The following LGR4 variants were observed in gnomAD, a reference collection of about 807,000 sequenced individuals.
LGR4 encodes the protein leucine rich repeat containing G protein-coupled receptor 4.
In LGR4, 44 loss-of-function variants were observed where a neutral mutation model predicts 84.8. The ratio of observed to expected loss-of-function variants is 0.52; its 90% confidence interval spans 0.41 to 0.67. The LOEUF is 0.67. LGR4 is among the 30% of genes least tolerant of loss of function. The pLI is 0.00. For missense variants in LGR4, 1,032 were observed against 1,131.4 expected (o/e 0.91, Z 1.26); for synonymous variants, 429 against 434.3 (o/e 0.99, Z 0.15).
intron 1 of LGR4, among the ~76,000 whole-genome samples, chr11:27,457,785 G>A (rs888491229): frequency 6.6e-6 from 1 of 152,132 alleles, no homozygotes; most frequent in Admixed American, 6.5e-5. Flanking sequence ...CTGGTGAATG[G>A]AGAAACAAAT....
chr11:27,456,781 T>C (rs914952100), intron 1 of LGR4, among the ~76,000 whole-genome samples: 1 of 152,214 alleles, frequency 6.6e-6, no homozygotes, highest in Non-Finnish European at 1.5e-5. Flanking sequence ...AAGTTAGAGA[T>C]ACTTTTTAAA....
chr11:27,472,180 C>A lies in LGR4; in HGVS notation c.123G>T (p.Val41=). The A allele has an allele frequency of 7.1e-7, 1 of 1,417,002 alleles. No homozygotes were observed. The highest frequency in any genetic ancestry group is 1.4e-5 in the South Asian group (1 of 70,894). The allele number at this position is 1,417,002 out of a possible 1,614,324, so 87.8% of individuals were successfully genotyped here. The part of the protein sequence containing the change: ...APCSCDGDRR[V]DCSGKGLTAV... ...CCGTCAGCCCCTTCCCGGAGCAGTC[C>A]ACCCGACGGTCGCCGTCGCAGCTGC... The change falls in exon 1 of 18, where the codon GTG becomes GTT. Residue 41 remains valine, a synonymous_variant. Transcript: ENST00000379214.
intron 4 of LGR4, among the ~76,000 whole-genome samples, chr11:27,387,662 C>G (rs1194996144): frequency 1.3e-5 from 2 of 152,122 alleles, no homozygotes; most frequent in Non-Finnish European, 2.9e-5. Flanking sequence ...GGGATGCAAA[C>G]AGGGTCCACA....
intron 2 of LGR4, among the ~76,000 whole-genome samples, chr11:27,411,315 G>A (rs892629571): frequency 6.6e-6 from 1 of 151,634 alleles, no homozygotes; most frequent in Admixed American, 6.6e-5. Context: ...TGGATGGTTT[G>A]CTTCTTTTAA....
chr11:27,446,747 G>A (rs1248807162), intron 1 of LGR4, among the ~76,000 whole-genome samples: 1 of 152,146 alleles, frequency 6.6e-6, no homozygotes, highest in Non-Finnish European at 1.5e-5. Context: ...TATGTTTATT[G>A]TGGCACTATT....
chr11:27,450,809 T>G (rs1864470167), intron 1 of LGR4, among the ~76,000 whole-genome samples: 1 of 152,132 alleles, frequency 6.6e-6, no homozygotes, highest in South Asian at 2.1e-4. Context: ...GAAAGAAAAT[T>G]GTGCTCTCAC....
At chr11:27,416,746 G>A (rs897813557) in intron 1 of LGR4, among the ~76,000 whole-genome samples, 1 of 152,034 alleles carries the variant, frequency 6.6e-6, no homozygotes, top group Non-Finnish European at 1.5e-5. Context: ...CACCTTCCTA[G>A]AAAAATAAAC....
chr11:27,383,936 G>A (rs1014680528), intron 6 of LGR4, among the ~76,000 whole-genome samples: 2 of 152,108 alleles, frequency 1.3e-5, no homozygotes, highest in African/African-American at 4.8e-5. Flanking sequence ...TGTAAAAGCA[G>A]ATATAGTATT....
intron 2 of LGR4, among the ~76,000 whole-genome samples, chr11:27,404,835 A>T (rs1293067993): frequency 6.6e-6 from 1 of 152,332 alleles, no homozygotes; most frequent in East Asian, 1.9e-4. Flanking sequence ...ACAGGAAAGA[A>T]TGAAGCCAGA....
At chr11:27,386,283 G>C (rs1219824540) in intron 4 of LGR4, among the ~76,000 whole-genome samples, 1 of 152,134 alleles carries the variant, frequency 6.6e-6, no homozygotes, top group East Asian at 1.9e-4. Context: ...TAAGTCCTAC[G>C]TATTATTGTT....
intron 8 of LGR4, 75 bp from the exon 9 acceptor site, chr11:27,380,786 G>T: frequency 8.2e-7 from 1 of 1,219,942 alleles, no homozygotes; most frequent in Non-Finnish European, 1.2e-6. Flanking sequence ...TGTTCACAAT[G>T]TACATATATC....
chr11:27,468,699 G>C (rs1300958795), intron 1 of LGR4, among the ~76,000 whole-genome samples: 1 of 93,944 alleles, frequency 1.1e-5, no homozygotes, highest in Non-Finnish European at 3.2e-5. Context: ...AAATTGTCAC[G>C]AGAAAAAAAA....
chr11:27,390,401 G>A (rs1463935089), intron 4 of LGR4, among the ~76,000 whole-genome samples: 1 of 152,054 alleles, frequency 6.6e-6, no homozygotes, highest in Non-Finnish European at 1.5e-5. Context: ...GAGATTATTT[G>A]TTATTTAAAA....
chr11:27,435,799 T>C (rs1864197235), intron 1 of LGR4, among the ~76,000 whole-genome samples: 1 of 151,990 alleles, frequency 6.6e-6, no homozygotes, highest in South Asian at 2.1e-4. Flanking sequence ...ATCAACTACT[T>C]TGAATGCATC....
chr11:27,421,358 G>C (rs1863920236), intron 1 of LGR4, among the ~76,000 whole-genome samples: 2 of 152,184 alleles, frequency 1.3e-5, no homozygotes, highest in Non-Finnish European at 2.9e-5. Context: ...GTGTTAGCAA[G>C]TATGGGAGTA....
At chr11:27,422,494 C>A (rs879418533) in intron 1 of LGR4, among the ~76,000 whole-genome samples, 8 of 152,118 alleles carry the variant, frequency 5.3e-5, no homozygotes, top group Middle Eastern at 3.2e-3. Flanking sequence ...AGAAAAATGC[C>A]AGAATGCATC....
chr11:27,467,293 C>A (rs1864794627), intron 1 of LGR4, among the ~76,000 whole-genome samples: 1 of 151,894 alleles, frequency 6.6e-6, no homozygotes, highest in South Asian at 2.1e-4. Context: ...TAAGGCGGGG[C>A]ACGATGGCTT....
intron 1 of LGR4, among the ~76,000 whole-genome samples, chr11:27,431,308 A>C (rs1404344885): frequency 6.6e-6 from 1 of 152,174 alleles, no homozygotes; most frequent in Non-Finnish European, 1.5e-5. Flanking sequence ...CAAACTTTCC[A>C]TGTGATTTTG....
intron 1 of LGR4, among the ~76,000 whole-genome samples, chr11:27,449,527 ACCCATGAT>A (rs2133442214): frequency 6.6e-6 from 1 of 152,112 alleles, no homozygotes; most frequent in Non-Finnish European, 1.5e-5. Flanking sequence ...GCCTGCAGTG[ACCCATGAT>A]CACGCCATTG....
Sources: gnomAD v4.1 joint callset for allele counts (sites outside exome capture counted in the v4.1 genomes callset) on GRCh38, gnomAD v4.1.1 for gene constraint, MANE v1.5 for transcripts, NCBI Gene and HGNC (gene_info 2026-07-23, HGNC 2026-07-21) for gene names.